The following SHANK2 variants were observed in gnomAD, a reference collection of about 807,000 sequenced individuals.
The protein encoded by SHANK2 is SH3 and multiple ankyrin repeat domains 2, also known as SH3 and multiple ankyrin repeat domains protein 2.
In SHANK2, 43 loss-of-function variants were observed where a neutral mutation model predicts 133.7. The observed-to-expected ratio is 0.32, with a 90% CI of 0.25 to 0.41. The LOEUF (loss-of-function observed/expected upper bound fraction) is 0.41. Among genes scored for constraint, SHANK2 ranks in the 10% least tolerant of loss-of-function variants. The pLI is 1.00. For synonymous variants in SHANK2, 1,017 were observed against 952.8 expected, an observed-to-expected ratio of 1.07 and a Z score of -1.24; for missense variants, 1,994 against 2,235.8, an observed-to-expected ratio of 0.89 and a Z score of 2.18.
intron 14 of SHANK2, among the ~76,000 whole-genome samples, chr11:70,738,425 C>T (rs187035833): frequency 1.4e-4 from 21 of 152,328 alleles, no homozygotes; most frequent in East Asian, 3.9e-4. Flanking sequence ...ACAAGTTGGA[C>T]GCCCAAGGCT....
chr11:70,689,625 G>C lies in SHANK2; in HGVS notation c.1853+9063C>G, dbSNP rs139055233. 5.3e-5 allele frequency among the ~76,000 whole-genome samples: 8 copies of C among 152,276 alleles called. No homozygotes were observed. The East Asian group carries it at 1.5e-3, about 29-fold the overall frequency. On this transcript the variant is annotated intron_variant, in intron 15 of 25. Transcript: ENST00000601538. ...AACTTCTTACTGGCAATTCTCACCT[G>C]CCAGGGATAAACAGGAACATTGAAT... is the stretch of plus-strand genomic sequence containing the variant.
At chr11:70,842,652 G>A (rs1261755784) in intron 11 of SHANK2, among the ~76,000 whole-genome samples, 4 of 152,196 alleles carry the variant, frequency 2.6e-5, no homozygotes, top group Non-Finnish European at 5.9e-5. Flanking sequence ...CCAGGAGTGG[G>A]TCCTGCTCCC....
intron 14 of SHANK2, among the ~76,000 whole-genome samples, chr11:70,706,999 A>T (rs1259010209): frequency 6.6e-6 from 1 of 152,158 alleles, no homozygotes; most frequent in East Asian, 1.9e-4. Context: ...TTTTTCTCAA[A>T]GAAATTTACT....
intron 17 of SHANK2, among the ~76,000 whole-genome samples, chr11:70,532,894 G>A (rs921065129): frequency 6.7e-6 from 1 of 149,140 alleles, no homozygotes; most frequent in Non-Finnish European, 1.5e-5. Context: ...ACACTCTGTG[G>A]TCGAGCCATA....
intron 13 of SHANK2, among the ~76,000 whole-genome samples, chr11:70,803,821 A>G (rs1565327413): frequency 6.6e-6 from 1 of 152,030 alleles, no homozygotes; most frequent in Non-Finnish European, 1.5e-5. Context: ...AAAAAAAAAA[A>G]AAAAAGGAGC....
intron 11 of SHANK2, among the ~76,000 whole-genome samples, chr11:70,866,215 G>C (rs1209868918): frequency 4.6e-5 from 7 of 152,150 alleles, no homozygotes; most frequent in Non-Finnish European, 8.8e-5. Context: ...CATCCAGACA[G>C]CACCACCGAG....
At chr11:70,775,031 A>G (rs1206705875) in intron 14 of SHANK2, among the ~76,000 whole-genome samples, 3 of 152,138 alleles carry the variant, frequency 2.0e-5, no homozygotes, top group Non-Finnish European at 4.4e-5. Context: ...GTGGTGATGC[A>G]CACCTATAAT....
At chr11:71,241,180 C>G (rs1954885010) in intron 1 of SHANK2, among the ~76,000 whole-genome samples, 1 of 152,182 alleles carries the variant, frequency 6.6e-6, no homozygotes, top group Non-Finnish European at 1.5e-5. Context: ...CCCCGCCAGC[C>G]CTGCATAGAA....
chr11:71,107,946 G>A (rs995333420), intron 6 of SHANK2, among the ~76,000 whole-genome samples: 4 of 152,176 alleles, frequency 2.6e-5, no homozygotes, highest in African/African-American at 9.6e-5. Context: ...AGGCCAAGGC[G>A]AGACAGAGAG....
chr11:70,658,208 AAC>A (rs782131753), intron 17 of SHANK2, among the ~76,000 whole-genome samples: 6,879 of 97,400 alleles, frequency 0.071, 316 homozygotes, highest in East Asian at 0.16. Flanking sequence ...ACGCCCCCCC[AAC>A]ACACACACAC....
In SHANK2 at chr11:70,472,354, C is replaced by T. The variant is rs2058606184; in HGVS notation, c.*515G>A. On this transcript the variant is annotated 3_prime_UTR_variant, in exon 26 of 26. Transcript: ENST00000601538. This position sits in a 1 kb window ranked among gnomAD's most constrained non-coding sequence, Gnocchi z 4.4. The stretch of plus-strand genomic sequence containing the variant: ...TGGACAAATGCATCTGGGAGCATCT[C>T]ACTGCAAGCCAAGTGCAGGAGAAAG... 1.2e-5 allele frequency: 2 copies of T among 170,648 alleles called. No individual in the cohort carries two copies. The highest frequency in any genetic ancestry group is 2.5e-5 in the Non-Finnish European group (2 of 79,004). The allele number at this position is 170,648 out of a possible 1,614,324, so 10.6% of individuals were successfully genotyped here.
At chr11:70,502,755 G>T in intron 18 of SHANK2, 41 bp downstream of exon 18, 3 of 307,496 alleles carry the variant, frequency 9.8e-6, no homozygotes, top group Admixed American at 1.1e-4. Flanking sequence ...CCCCCCCCCA[G>T]TAGGGCCCCA....
intron 15 of SHANK2, chr11:70,662,095 G>A (rs961488081): frequency 5.8e-4 from 261 of 446,844 alleles, no homozygotes; most frequent in South Asian, 1.0e-3. Context: ...GAGCTCCTCC[G>A]GCTTGTCCCG....
chr11:70,889,820 T>A (rs1555074296), intron 11 of SHANK2, among the ~76,000 whole-genome samples: 1 of 152,038 alleles, frequency 6.6e-6, no homozygotes, highest in African/African-American at 2.4e-5. Flanking sequence ...GAAGCTGTCT[T>A]AGGGGCGGAT....
At chr11:70,764,063 A>AATCC (rs782452712) in intron 14 of SHANK2, among the ~76,000 whole-genome samples, 3,391 of 126,978 alleles carry the variant, frequency 0.027, 240 homozygotes, top group African/African-American at 0.083. Flanking sequence ...TATACCCACC[A>AATCC]ATCCATCCAT....
chr11:70,875,855 C>CAAA (rs869042517), intron 11 of SHANK2, among the ~76,000 whole-genome samples: 2,942 of 94,914 alleles, frequency 0.031, 106 homozygotes, highest in African/African-American at 0.098. Context: ...GACACTGTTT[C>CAAA]AAAAAAAAAA....
chr11:71,167,667 G>A (rs2135492306), intron 2 of SHANK2, among the ~76,000 whole-genome samples: 1 of 147,466 alleles, frequency 6.8e-6, no homozygotes, highest in East Asian at 2.1e-4. Context: ...CCGGGCGGGG[G>A]GCTGACCCCT....
At chr11:71,137,038 T>A (rs1390742168) in intron 3 of SHANK2, among the ~76,000 whole-genome samples, 1 of 152,080 alleles carries the variant, frequency 6.6e-6, no homozygotes, top group Non-Finnish European at 1.5e-5. Flanking sequence ...AATTTTTGTA[T>A]TTTTAGTAGA....
intron 15 of SHANK2, among the ~76,000 whole-genome samples, chr11:70,677,665 G>T (rs1227038297): frequency 6.6e-6 from 1 of 152,118 alleles, no homozygotes; most frequent in African/African-American, 2.4e-5. Flanking sequence ...AAGCGGGCAG[G>T]CAGGGAACCC....
Sources: allele counts gnomAD v4.1 joint callset (sites outside exome capture counted in the v4.1 genomes callset), GRCh38; gene constraint gnomAD v4.1.1; non-coding constraint Gnocchi (gnomAD v3.1); transcripts MANE v1.5; gene names NCBI Gene and HGNC (gene_info 2026-07-23, HGNC 2026-07-21).